The following DPYS variants were observed in gnomAD, a reference collection of about 807,000 sequenced individuals.
DPYS encodes dihydropyrimidinase.
In DPYS, 39 loss-of-function variants were observed where a neutral mutation model predicts 50.3. That is an observed-to-expected ratio of 0.78 (90% CI 0.60 to 1.01). The LOEUF (loss-of-function observed/expected upper bound fraction) is 1.01, where lower values mean the gene tolerates loss of function less well. Among genes scored for constraint, DPYS ranks in the 50% least tolerant of loss-of-function variants. The pLI, the probability that DPYS is intolerant of heterozygous loss-of-function variation, is 0.00. For missense variants in DPYS, 659 were observed against 680.9 expected (o/e 0.97, Z 0.36); for synonymous variants, 245 against 250.7 (o/e 0.98, Z 0.22).
At chr8:104,446,156 T>A (rs1175947384) in intron 3 of DPYS, among the ~76,000 whole-genome samples, 1 of 152,180 alleles carries the variant, frequency 6.6e-6, no homozygotes, top group East Asian at 1.9e-4. Flanking sequence ...AGGGGATGGA[T>A]ACCCAATTTT....
intron 8 of DPYS, among the ~76,000 whole-genome samples, chr8:104,384,574 CCT>C (rs1308716918): frequency 6.6e-6 from 1 of 152,224 alleles, no homozygotes; most frequent in Non-Finnish European, 1.5e-5. Context: ...TGATGGCAAA[CCT>C]CTGTCCGAAG....
intron 7 of DPYS, among the ~76,000 whole-genome samples, chr8:104,405,805 A>G (rs1811977258): frequency 6.6e-6 from 1 of 152,236 alleles, no homozygotes; most frequent in African/African-American, 2.4e-5. Context: ...ACCAGGGAGC[A>G]CGCCTGAGGA....
chr8:104,442,087 A>T (rs2140696020), intron 4 of DPYS, among the ~76,000 whole-genome samples: 1 of 152,354 alleles, frequency 6.6e-6, no homozygotes, highest in Admixed American at 6.5e-5. Flanking sequence ...GTATGGGAAG[A>T]AGGAGCTAGA....
intron 7 of DPYS, among the ~76,000 whole-genome samples, chr8:104,415,281 C>T (rs1275201687): frequency 6.6e-6 from 1 of 152,208 alleles, no homozygotes; most frequent in African/African-American, 2.4e-5. Flanking sequence ...TTTCACACAG[C>T]CTCGCTTGGT....
intron 4 of DPYS, among the ~76,000 whole-genome samples, chr8:104,434,591 C>T (rs1378896013): frequency 6.6e-6 from 1 of 152,056 alleles, no homozygotes; most frequent in Non-Finnish European, 1.5e-5. Flanking sequence ...TAAGCAAAAC[C>T]AAAACCAAAC....
intron 7 of DPYS, among the ~76,000 whole-genome samples, chr8:104,399,195 G>A (rs1189852006): frequency 4.7e-5 from 7 of 147,892 alleles, no homozygotes; most frequent in African/African-American, 1.7e-4. Context: ...GGAGGCTGAA[G>A]CAGGAGAATC....
chr8:104,442,332 G>T (rs1368794964), intron 4 of DPYS, among the ~76,000 whole-genome samples: 1 of 152,180 alleles, frequency 6.6e-6, no homozygotes, highest in Non-Finnish European at 1.5e-5. Flanking sequence ...CCAAGATCAA[G>T]AAACTGCTTC....
intron 3 of DPYS, among the ~76,000 whole-genome samples, chr8:104,446,971 A>C (rs1588452327): frequency 1.3e-5 from 2 of 152,356 alleles, no homozygotes; most frequent in East Asian, 3.9e-4. Flanking sequence ...CTGAACCAGC[A>C]GCCTAAGCTT....
At chr8:104,445,015 C>T (rs575660051) in intron 3 of DPYS, among the ~76,000 whole-genome samples, 1 of 152,254 alleles carries the variant, frequency 6.6e-6, no homozygotes, top group Non-Finnish European at 1.5e-5. Context: ...TGAAAAGGTG[C>T]TCAACATCAC....
chr8:104,433,139 CAGA>C (rs1350529647), intron 4 of DPYS, among the ~76,000 whole-genome samples: 2 of 152,186 alleles, frequency 1.3e-5, no homozygotes, highest in African/African-American at 2.4e-5. Context: ...CCACAGCTCT[CAGA>C]AGGAGCCAAC....
At chr8:104,459,819 G>A (rs146336450) in intron 1 of DPYS, among the ~76,000 whole-genome samples, 1 of 152,214 alleles carries the variant, frequency 6.6e-6, no homozygotes, top group African/African-American at 2.4e-5. Flanking sequence ...TCACAAAACT[G>A]TCATATGTCC....
intron 4 of DPYS, among the ~76,000 whole-genome samples, chr8:104,432,327 C>T (rs1367707782): frequency 6.6e-6 from 1 of 152,206 alleles, no homozygotes; most frequent in Non-Finnish European, 1.5e-5. Context: ...TCAAACCAAT[C>T]CAAACTCTCC....
At chr8:104,388,321 T>C (rs1055219719) in intron 8 of DPYS, among the ~76,000 whole-genome samples, 24 of 152,284 alleles carry the variant, frequency 1.6e-4, no homozygotes, top group African/African-American at 5.8e-4. Context: ...TGTTTCTCTA[T>C]AAAATGCAAT....
At chr8:104,464,402 C>A (rs1007826978) in intron 1 of DPYS, among the ~76,000 whole-genome samples, 1 of 152,234 alleles carries the variant, frequency 6.6e-6, no homozygotes, top group Admixed American at 6.5e-5. Flanking sequence ...CAGCATTCCA[C>A]TTCCTCTTCT....
chr8:104,414,596 G>A (rs1178258418), intron 7 of DPYS, among the ~76,000 whole-genome samples: 2 of 152,116 alleles, frequency 1.3e-5, no homozygotes, highest in Non-Finnish European at 2.9e-5. Flanking sequence ...CCTCCAAATA[G>A]ACTTCCACTG....
intron 7 of DPYS, among the ~76,000 whole-genome samples, chr8:104,414,843 T>C (rs1252377020): frequency 2.0e-5 from 3 of 152,218 alleles, no homozygotes; most frequent in Non-Finnish European, 2.9e-5. Context: ...CAAAAAACAG[T>C]GTTGTTTGAC....
intron 1 of DPYS, among the ~76,000 whole-genome samples, chr8:104,462,614 A>G (rs35450967): frequency 0.2 from 31,188 of 152,148 alleles, 3,347 homozygotes; most frequent in East Asian, 0.25. Flanking sequence ...TACTGACACT[A>G]CCGGGTTTTC....
chr8:104,391,719 C>T (rs555464467), intron 8 of DPYS, among the ~76,000 whole-genome samples: 68 of 152,142 alleles, frequency 4.5e-4, no homozygotes, highest in African/African-American at 1.5e-3. Context: ...TTATTGACCT[C>T]CTACCAACCT....
chr8:104,444,910 T>C (rs377380285), intron 3 of DPYS, among the ~76,000 whole-genome samples: 3 of 152,020 alleles, frequency 2.0e-5, no homozygotes, highest in African/African-American at 4.8e-5. Context: ...AAAACAACTC[T>C]ACAGGAAAAA....
Sources: gnomAD v4.1 joint callset for allele counts (sites outside exome capture counted in the v4.1 genomes callset) on GRCh38, gnomAD v4.1.1 for gene constraint, MANE v1.5 for transcripts, NCBI Gene and HGNC (gene_info 2026-07-23, HGNC 2026-07-21) for gene names.